DPP10: variants seen among roughly 807,000 people sequenced by gnomAD.
DPP10 encodes the protein inactive dipeptidyl peptidase 10.
A neutral mutation model predicts 120.9 loss-of-function variants in DPP10; 33 were observed. The observed-to-expected ratio is 0.27, with a 90% CI of 0.21 to 0.37. DPP10 has a LOEUF of 0.37. DPP10 is among the 10% of genes least tolerant of loss of function. DPP10 has a pLI of 1.00. For synonymous variants in DPP10, 337 were observed against 326.1 expected, an observed-to-expected ratio of 1.03 and a Z score of -0.36; for missense variants, 816 against 942.8, an observed-to-expected ratio of 0.87 and a Z score of 1.76.
chr2:114,977,047 T>C (rs1015865781), intron 1 of DPP10, among the ~76,000 whole-genome samples: 5 of 152,200 alleles, frequency 3.3e-5, no homozygotes, highest in African/African-American at 9.6e-5. Context: ...TTATTTTGGC[T>C]TTCATTCATT....
intron 7 of DPP10, among the ~76,000 whole-genome samples, chr2:115,705,489 A>G (rs1358662265): frequency 6.6e-6 from 1 of 151,860 alleles, no homozygotes; most frequent in Admixed American, 6.6e-5. Context: ...ATTATACCAG[A>G]GCTTTAATGG....
intron 1 of DPP10, among the ~76,000 whole-genome samples, chr2:115,000,341 A>T (rs541390640): frequency 1.3e-5 from 2 of 152,162 alleles, no homozygotes; most frequent in Non-Finnish European, 2.9e-5. Flanking sequence ...GGGGGGACAT[A>T]GTTTCTAGAA....
At chr2:115,159,785 T>C (rs2052172331) in intron 1 of DPP10, among the ~76,000 whole-genome samples, 1 of 152,168 alleles carries the variant, frequency 6.6e-6, no homozygotes, top group South Asian at 2.1e-4. Flanking sequence ...TTTGTCTTTA[T>C]TTGTAATGAA....
intron 1 of DPP10, among the ~76,000 whole-genome samples, chr2:114,703,695 C>G (rs1372980585): frequency 6.6e-6 from 1 of 152,076 alleles, no homozygotes; most frequent in African/African-American, 2.4e-5. Flanking sequence ...GATAAGTATA[C>G]CAAATCTGAA....
At chr2:115,496,004 T>TA (rs1473044988) in intron 3 of DPP10, among the ~76,000 whole-genome samples, 1 of 152,152 alleles carries the variant, frequency 6.6e-6, no homozygotes, top group Non-Finnish European at 1.5e-5. Flanking sequence ...TACTTAAAGT[T>TA]AAACAAAATA....
At chr2:115,499,431 T>G (rs1159728472) in intron 3 of DPP10, 79 bp from the exon 4 acceptor site, 1 of 1,139,234 alleles carries the variant, frequency 8.8e-7, no homozygotes, top group African/African-American at 1.6e-5. Context: ...GTCTGTTTAT[T>G]TTGCACGTTT....
intron 1 of DPP10, among the ~76,000 whole-genome samples, chr2:114,839,979 T>C (rs1308954851): frequency 2.6e-5 from 4 of 152,138 alleles, no homozygotes; most frequent in Non-Finnish European, 4.4e-5. Context: ...ACTAATGGTC[T>C]ATATAGCATT....
At chr2:115,642,591 CTTCTT>C (rs1285552458) in intron 5 of DPP10, among the ~76,000 whole-genome samples, 4 of 152,068 alleles carry the variant, frequency 2.6e-5, no homozygotes, top group African/African-American at 9.7e-5. Context: ...CTCTCCTTCT[CTTCTT>C]ATTTCTCTTA....
intron 5 of DPP10, among the ~76,000 whole-genome samples, chr2:115,586,287 A>T (rs558164112): frequency 1.3e-5 from 2 of 152,316 alleles, no homozygotes; most frequent in East Asian, 3.9e-4. Context: ...AGATCGTGCC[A>T]TTGCACTCCA....
chr2:114,590,428 T>C (rs1252090234), intron 1 of DPP10, among the ~76,000 whole-genome samples: 2 of 152,214 alleles, frequency 1.3e-5, no homozygotes, highest in East Asian at 3.8e-4. Context: ...GGTAATAATT[T>C]CTAAATACTG....
intron 5 of DPP10, among the ~76,000 whole-genome samples, chr2:115,540,777 A>G (rs1396483853): frequency 2.0e-5 from 3 of 151,894 alleles, no homozygotes; most frequent in Admixed American, 1.3e-4. Flanking sequence ...CAATCCAAGG[A>G]TATCACTTTG....
chr2:115,653,004 A>G (rs754220906), intron 5 of DPP10, among the ~76,000 whole-genome samples: 38 of 152,078 alleles, frequency 2.5e-4, no homozygotes, highest in Non-Finnish European at 8.8e-5. Flanking sequence ...CTCAAAATAA[A>G]TGTTCTAATT....
At chr2:114,800,446 AACAC>A (rs1327863152) in intron 1 of DPP10, among the ~76,000 whole-genome samples, 2 of 152,240 alleles carry the variant, frequency 1.3e-5, no homozygotes, top group African/African-American at 4.8e-5. Context: ...CAAAAATACA[AACAC>A]TTCACATACG....
chr2:115,140,854 G>T (rs1163461715), intron 1 of DPP10, among the ~76,000 whole-genome samples: 1 of 151,856 alleles, frequency 6.6e-6, no homozygotes, highest in Non-Finnish European at 1.5e-5. Context: ...AAGTCCATTT[G>T]GGGGCCATAA....
At chr2:115,503,514 G>A (rs1393443230) in intron 4 of DPP10, among the ~76,000 whole-genome samples, 1 of 152,106 alleles carries the variant, frequency 6.6e-6, no homozygotes, top group Non-Finnish European at 1.5e-5. Flanking sequence ...ACCGACAATT[G>A]TACCTCATAA....
intron 1 of DPP10, among the ~76,000 whole-genome samples, chr2:114,912,702 G>T (rs1156420809): frequency 6.6e-6 from 1 of 152,156 alleles, no homozygotes; most frequent in African/African-American, 2.4e-5. Context: ...GACTCATTTT[G>T]GCCCCAAGCA....
intron 1 of DPP10, among the ~76,000 whole-genome samples, chr2:114,500,314 C>T (rs556708075): frequency 6.0e-4 from 92 of 152,214 alleles, no homozygotes; most frequent in Admixed American, 2.0e-3. Flanking sequence ...AGAGAATTTG[C>T]GGAATTAGGT....
At chr2:114,569,549 C>G (rs1689460097) in intron 1 of DPP10, among the ~76,000 whole-genome samples, 1 of 152,174 alleles carries the variant, frequency 6.6e-6, no homozygotes, top group Non-Finnish European at 1.5e-5. Flanking sequence ...CCCAAATTGC[C>G]TCACATCTTC....
intron 1 of DPP10, among the ~76,000 whole-genome samples, chr2:115,066,401 A>C (rs1706844873): frequency 6.6e-6 from 1 of 152,178 alleles, no homozygotes; most frequent in Non-Finnish European, 1.5e-5. Context: ...AAAAAATAAA[A>C]ATATGAAAAT....
Sources: gnomAD v4.1 joint callset for allele counts (sites outside exome capture counted in the v4.1 genomes callset) on GRCh38, gnomAD v4.1.1 for gene constraint, MANE v1.5 for transcripts, NCBI Gene and HGNC (gene_info 2026-07-23, HGNC 2026-07-21) for gene names.